Variants in CACNA1C observed in about 807,000 individuals in gnomAD.
CACNA1C encodes voltage-dependent L-type calcium channel subunit alpha-1C.
CACNA1C carries 30 observed loss-of-function variants against 229.0 expected under a neutral mutation model. The ratio of observed to expected loss-of-function variants is 0.13; its 90% CI spans 0.10 to 0.18. CACNA1C has a LOEUF of 0.18. CACNA1C is among the 10% of genes least tolerant of loss of function. The probability of loss-of-function intolerance (pLI) is 1.00; values close to 1 mark genes in which losing one functional copy is unlikely to be tolerated. For missense variants in CACNA1C, 1,658 were observed against 2,845.0 expected, an observed-to-expected ratio of 0.58 and a Z score of 9.49; for synonymous variants, 1,114 against 1,132.5, an observed-to-expected ratio of 0.98 and a Z score of 0.33.
In CACNA1C at chr12:2,579,682, G is replaced by A. The variant is rs145333405; in HGVS notation, c.1896-1908G>A. On this transcript the variant is annotated intron_variant, in intron 13 of 46. Coordinates refer to ENST00000399655, the MANE Select transcript of CACNA1C (RefSeq NM_000719.7). ...TGCAGCCTCAAACTCCTGGGCTCAA[G>A]TGATCCTTCCATCTCAGTCTCCCCA... Among the ~76,000 whole-genome samples, 1,129 of 152,260 alleles carry A rather than the reference G, an allele frequency of 7.4e-3. 13 individuals are homozygous for A. Among genetic ancestry groups the A allele is most frequent in the African/African-American group, 0.026 (1,062 of 41,528 alleles).
At chr12:2,628,756 A>G (rs2088639595) in intron 29 of CACNA1C, among the ~76,000 whole-genome samples, 1 of 152,130 alleles carries the variant, frequency 6.6e-6, no homozygotes, top group Non-Finnish European at 1.5e-5. Context: ...AAAAAAATTA[A>G]ACAATTAGAG....
chr12:2,659,007 G>A (rs1049494651), intron 34 of CACNA1C, among the ~76,000 whole-genome samples: 1 of 152,104 alleles, frequency 6.6e-6, no homozygotes, highest in African/African-American at 2.4e-5. Flanking sequence ...AAGTAAAAAT[G>A]TTACATTAAG....
intron 3 of CACNA1C, among the ~76,000 whole-genome samples, chr12:2,393,297 G>C (rs917810333): frequency 6.6e-6 from 1 of 152,214 alleles, no homozygotes; most frequent in African/African-American, 2.4e-5. Context: ...AAGCAGAGAA[G>C]GGGTGAGTGG....
chr12:2,161,100 G>A (rs1327492221), intron 3 of CACNA1C, among the ~76,000 whole-genome samples: 2 of 152,266 alleles, frequency 1.3e-5, no homozygotes, highest in East Asian at 1.9e-4. Context: ...GATAACAGGC[G>A]TGAGCCACCG....
chr12:2,333,083 G>A (rs1337228731), intron 3 of CACNA1C, among the ~76,000 whole-genome samples: 1 of 152,168 alleles, frequency 6.6e-6, no homozygotes, highest in East Asian at 1.9e-4. Context: ...TTCAGAAAGT[G>A]GGGAAGACTC....
rs2096885207 is a variant in CACNA1C at position 2,677,539 on chromosome 12, TGGGCGAGTGGATTGTTCCATCAGA to T, written c.4957-189_4957-166del. The T allele has an allele frequency of 2.7e-5, 18 of 663,032 alleles. No individual in the cohort carries two copies. The South Asian group carries it at 3.5e-4, about 13-fold the overall frequency. 41.1% of individuals were successfully genotyped at this position (663,032 alleles called of 1,614,324 possible). A position where few individuals can be genotyped will look rare whatever the true frequency, so the allele number is the denominator to read the frequency against. ...CTAATGAGCCTTCATCCCTCCTGGA[TGGGCGAGTGGATTGTTCCATCAGA>T]GGGCAGCCCAGCCCCCAGTTCACAC... On this transcript the variant is annotated intron_variant, in intron 40 of 46. Coordinates refer to ENST00000399655, the MANE Select transcript of CACNA1C (RefSeq NM_000719.7). This position sits in a 1 kb window ranked among gnomAD's most constrained non-coding sequence, Gnocchi z 7.4.
rs2097821065 is a variant in CACNA1C, at chr12:2,694,388, G to C, written c.*3189G>C. The C allele has an allele frequency of 6.6e-6, 1 of 152,218 alleles. No individual in the cohort carries two copies. The highest frequency in any genetic ancestry group is 1.9e-4 in the East Asian group (1 of 5,200). 9.4% of individuals were successfully genotyped at this position (152,218 alleles called of 1,614,324 possible). The stretch of plus-strand genomic sequence containing the variant: ...AGGAGAAAACAGTCAGGGGCTAAGG[G>C]CCCAAGGGACTTGAAGAAACAACAG... On this transcript the variant is annotated 3_prime_UTR_variant, in exon 47 of 47. Transcript: ENST00000399655.
chr12:2,549,881 T>C, intron 9 of CACNA1C, 62 bp from the exon 10 acceptor site: 3 of 1,238,266 alleles, frequency 2.4e-6, no homozygotes, highest in Non-Finnish European at 3.5e-6. Context: ...AAACTACTGC[T>C]CTTCTGTTCC....
intron 3 of CACNA1C, among the ~76,000 whole-genome samples, chr12:2,296,304 A>G (rs2154464517): frequency 6.6e-6 from 1 of 152,336 alleles, no homozygotes; most frequent in Admixed American, 6.5e-5. Flanking sequence ...CTAAAACTCC[A>G]GGCTGCAAAC....
chr12:2,370,791 G>A (rs1283930774), intron 3 of CACNA1C, among the ~76,000 whole-genome samples: 2 of 152,176 alleles, frequency 1.3e-5, no homozygotes, highest in African/African-American at 2.4e-5. Flanking sequence ...GAAAAGGATC[G>A]GGGGGATTTC....
chr12:2,491,068 T>C (rs1361977083), intron 6 of CACNA1C, among the ~76,000 whole-genome samples: 2 of 152,212 alleles, frequency 1.3e-5, no homozygotes, highest in Non-Finnish European at 2.9e-5. Flanking sequence ...AGCCTACTGA[T>C]ATATGCAGCA....
chr12:2,063,600 C>T (rs1372017359), intron 1 of CACNA1C, among the ~76,000 whole-genome samples: 2 of 152,188 alleles, frequency 1.3e-5, no homozygotes, highest in Non-Finnish European at 2.9e-5. Flanking sequence ...AGCTGGCTGT[C>T]ATTTGGAGGT....
chr12:2,024,576 C>T (rs1479656386), intron 1 of CACNA1C, among the ~76,000 whole-genome samples: 3 of 152,164 alleles, frequency 2.0e-5, no homozygotes, highest in African/African-American at 4.8e-5. Context: ...CAGGTTGCAC[C>T]CATCTCTTTT....
chr12:2,643,999 G>A (rs1005795979), intron 30 of CACNA1C, among the ~76,000 whole-genome samples: 4 of 152,224 alleles, frequency 2.6e-5, no homozygotes, highest in Non-Finnish European at 5.9e-5. Flanking sequence ...GGGGGTACTG[G>A]CTGGATGGAG....
chr12:2,298,927 C>T lies in CACNA1C; in HGVS notation c.478-150049C>T, dbSNP rs576328740. Among the ~76,000 whole-genome samples the T allele has an allele frequency of 3.9e-5, 6 of 152,328 alleles. No homozygotes were observed. In the East Asian group the frequency reaches 1.2e-3, roughly 29 times the overall value. On this transcript the variant is annotated intron_variant, in intron 3 of 46. Transcript: ENST00000399655. ...TCAAGAGTAACACTGTTGTGGCTCC[C>T]ACCTCCGGGGACTTCATAGGTTTGA... is the stretch of plus-strand genomic sequence containing the variant.
intron 1 of CACNA1C, among the ~76,000 whole-genome samples, chr12:2,041,568 G>A (rs1247335033): frequency 6.6e-6 from 1 of 152,044 alleles, no homozygotes; most frequent in Non-Finnish European, 1.5e-5. Context: ...GAGCCACTGC[G>A]CCCGGCCCGC....
At chr12:2,554,455 C>T (rs2042964591) in intron 10 of CACNA1C, among the ~76,000 whole-genome samples, 1 of 152,218 alleles carries the variant, frequency 6.6e-6, no homozygotes, top group Non-Finnish European at 1.5e-5. Flanking sequence ...AACCAGGAAG[C>T]CTTCCGAGTG....
intron 30 of CACNA1C, among the ~76,000 whole-genome samples, chr12:2,635,848 A>G (rs1327783764): frequency 2.0e-5 from 3 of 151,926 alleles, no homozygotes; most frequent in Non-Finnish European, 2.9e-5. Flanking sequence ...GTGTGTGAGC[A>G]TGTGTGCATG....
chr12:2,207,216 A>G (rs1053503141), intron 3 of CACNA1C, among the ~76,000 whole-genome samples: 30 of 152,312 alleles, frequency 2.0e-4, no homozygotes, highest in African/African-American at 6.0e-4. Flanking sequence ...TTCCCGACCC[A>G]TGACACACCT....
Sources: allele counts gnomAD v4.1 joint callset (sites outside exome capture counted in the v4.1 genomes callset), GRCh38; gene constraint gnomAD v4.1.1; non-coding constraint Gnocchi (gnomAD v3.1); transcripts MANE v1.5; gene names NCBI Gene and HGNC (gene_info 2026-07-23, HGNC 2026-07-21).